Variants in PAM observed in about 807,000 individuals in gnomAD.
The protein encoded by PAM is peptidyl-glycine alpha-amidating monooxygenase.
PAM carries 72 observed loss-of-function variants against 122.1 expected under a neutral mutation model. The ratio of observed to expected loss-of-function variants is 0.59; its 90% CI spans 0.49 to 0.72. The LOEUF (loss-of-function observed/expected upper bound fraction) is 0.72, where lower values mean the gene tolerates loss of function less well. Among genes scored for constraint, PAM ranks in the 30% least tolerant of loss-of-function variants. The pLI is 0.00. For missense variants in PAM, 1,106 were observed against 1,183.7 expected, an observed-to-expected ratio of 0.93 and a Z score of 0.96; for synonymous variants, 389 against 404.4, an observed-to-expected ratio of 0.96 and a Z score of 0.46.
chr5:102,957,036 T>C (rs976581865), intron 12 of PAM, among the ~76,000 whole-genome samples: 3 of 152,160 alleles, frequency 2.0e-5, no homozygotes, highest in Admixed American at 6.6e-5. Context: ...GCTTGAACTA[T>C]GTGTTTATCT....
chr5:102,803,739 A>C lies in PAM; in HGVS notation c.-374+48391A>C, dbSNP rs546919253. Among the ~76,000 whole-genome samples the C allele has an allele frequency of 1.2e-4, 18 of 152,282 alleles. No homozygotes were observed. The East Asian group carries it at 2.5e-3, about 21-fold the overall frequency. ...CACCTTAGAAAAATAGGATATAATA[A>C]ATTTTGTATTTATTTATTGAATAAG... On this transcript the variant is annotated intron_variant, in intron 1 of 25. Transcript: ENST00000438793.
intron 5 of PAM, among the ~76,000 whole-genome samples, chr5:102,924,043 T>TA (rs934896438): frequency 5.9e-5 from 9 of 152,006 alleles, no homozygotes; most frequent in Admixed American, 2.6e-4. Context: ...TTCAGTAACT[T>TA]AAAAAAAATT....
intron 15 of PAM, among the ~76,000 whole-genome samples, chr5:102,977,452 GA>G (rs1768052713): frequency 6.6e-6 from 1 of 152,088 alleles, no homozygotes; most frequent in Admixed American, 6.6e-5. Context: ...AAATATCTGC[GA>G]ATAGCATTTT....
At chr5:103,011,770 G>A (rs963258681) in intron 21 of PAM, among the ~76,000 whole-genome samples, 1 of 152,002 alleles carries the variant, frequency 6.6e-6, no homozygotes, top group African/African-American at 2.4e-5. Context: ...TTTCTTTTTG[G>A]CATATAACCA....
chr5:102,775,839 C>T (rs1477896313), intron 1 of PAM, among the ~76,000 whole-genome samples: 1 of 152,066 alleles, frequency 6.6e-6, no homozygotes, highest in African/African-American at 2.4e-5. Flanking sequence ...GATTTTTATT[C>T]CTTTGGGTAT....
intron 1 of PAM, among the ~76,000 whole-genome samples, chr5:102,860,687 CAA>C (rs533419595): frequency 7.3e-6 from 1 of 136,518 alleles, no homozygotes. Context: ...GACCCTGTCT[CAA>C]AAAAAAAAAT....
At chr5:102,792,906 C>T (rs1762408551) in intron 1 of PAM, among the ~76,000 whole-genome samples, 1 of 152,136 alleles carries the variant, frequency 6.6e-6, no homozygotes, top group African/African-American at 2.4e-5. Flanking sequence ...TTAGGTCATA[C>T]AGTAGCACGT....
At chr5:102,831,081 TGAC>T (rs61543307) in intron 1 of PAM, among the ~76,000 whole-genome samples, 103,271 of 151,866 alleles carry the variant, frequency 0.68, 35,361 homozygotes, top group South Asian at 0.82. Context: ...GCCATAAATT[TGAC>T]ATCCTTCAAT....
At chr5:102,784,632 A>C (rs1431729329) in intron 1 of PAM, among the ~76,000 whole-genome samples, 3 of 152,242 alleles carry the variant, frequency 2.0e-5, no homozygotes, top group African/African-American at 7.2e-5. Context: ...AGGGTGAGTC[A>C]TACATATATG....
intron 1 of PAM, among the ~76,000 whole-genome samples, chr5:102,786,381 G>C (rs916393738): frequency 6.6e-5 from 10 of 152,172 alleles, no homozygotes; most frequent in African/African-American, 2.4e-4. Context: ...AAAGTACTTT[G>C]AATAGCGCCT....
intron 22 of PAM, among the ~76,000 whole-genome samples, chr5:103,018,200 T>C (rs1001366573): frequency 6.6e-6 from 1 of 152,006 alleles, no homozygotes; most frequent in African/African-American, 2.4e-5. Flanking sequence ...AGGAAAATAA[T>C]TGGGGATGAT....
chr5:102,769,124 A>G (rs1755012388), intron 1 of PAM, among the ~76,000 whole-genome samples: 3 of 152,022 alleles, frequency 2.0e-5, no homozygotes, highest in South Asian at 2.1e-4. Context: ...CTTTTCATAT[A>G]CCTATTTGTC....
chr5:102,887,587 G>C (rs567344164), intron 3 of PAM, among the ~76,000 whole-genome samples: 1 of 152,008 alleles, frequency 6.6e-6, no homozygotes. Context: ...GAAATTTATA[G>C]TGTAGTAAAT....
At chr5:102,983,804 C>T (rs889947799) in intron 15 of PAM, among the ~76,000 whole-genome samples, 2 of 152,148 alleles carry the variant, frequency 1.3e-5, no homozygotes, top group African/African-American at 4.8e-5. Context: ...CATCAAGTCA[C>T]ATATAAGGAA....
intron 1 of PAM, among the ~76,000 whole-genome samples, chr5:102,852,329 A>G (rs1172484067): frequency 6.6e-6 from 1 of 152,198 alleles, no homozygotes; most frequent in African/African-American, 2.4e-5. Context: ...ATATTTTTAA[A>G]TAAGAATAAA....
At chr5:102,957,617 G>C (rs1055542479) in intron 12 of PAM, among the ~76,000 whole-genome samples, 3 of 151,588 alleles carry the variant, frequency 2.0e-5, no homozygotes, top group African/African-American at 7.3e-5. Flanking sequence ...TGCAACCTCT[G>C]CCCCTGTGTT....
intron 1 of PAM, among the ~76,000 whole-genome samples, chr5:102,794,615 T>G (rs1283931488): frequency 6.6e-6 from 1 of 152,178 alleles, no homozygotes; most frequent in Non-Finnish European, 1.5e-5. Flanking sequence ...TATGAAACAG[T>G]GATATTTATA....
At chr5:102,833,541 T>C (rs1209382522) in intron 1 of PAM, among the ~76,000 whole-genome samples, 1 of 152,214 alleles carries the variant, frequency 6.6e-6, no homozygotes, top group Non-Finnish European at 1.5e-5. Context: ...CACTTTTCTA[T>C]TTCAATGTGG....
chr5:102,962,039 T>C (rs1762656015), intron 14 of PAM, among the ~76,000 whole-genome samples: 1 of 151,948 alleles, frequency 6.6e-6, no homozygotes, highest in Admixed American at 6.6e-5. Context: ...TAGCAACATG[T>C]AGAAGTTTCC....
Sources: allele counts gnomAD v4.1 joint callset (sites outside exome capture counted in the v4.1 genomes callset), GRCh38; gene constraint gnomAD v4.1.1; transcripts MANE v1.5; gene names NCBI Gene and HGNC (gene_info 2026-07-23, HGNC 2026-07-21).